Variants in SCAP observed in about 807,000 individuals in gnomAD.
SCAP encodes the protein sterol regulatory element-binding protein cleavage-activating protein.
In SCAP, 65 loss-of-function variants were observed where a neutral mutation model predicts 123.6. The ratio of observed to expected loss-of-function variants is 0.53; its 90% CI spans 0.43 to 0.65. SCAP has a LOEUF of 0.65. SCAP is among the 30% of genes least tolerant of loss of function. The pLI is 0.00. For synonymous variants in SCAP, 740 were observed against 726.3 expected, an observed-to-expected ratio of 1.02 and a Z score of -0.30; for missense variants, 1,398 against 1,712.5, an observed-to-expected ratio of 0.82 and a Z score of 3.24.
At chr3:47,449,136 C>G (rs774122815) in intron 1 of SCAP, among the ~76,000 whole-genome samples, 1 of 152,164 alleles carries the variant, frequency 6.6e-6, no homozygotes, top group Non-Finnish European at 1.5e-5. Flanking sequence ...ACTACTTGAG[C>G]AGTAATGTAC....
At position 47,419,560 on chromosome 3, in the gene SCAP, G is replaced by A. The variant is rs375737763; in HGVS notation, c.1708C>T (p.Pro570Ser). ...GAGAAGGCAGGGTCCGGGTGGCTGG[G>A]GGGCAGCATGCCACTAGGCACGGGC... ...PMPVPSGMLPPSHPDPAFSIF... is the reference protein window; with the variant it reads ...PMPVPSGMLPSSHPDPAFSIF... The change falls in exon 13 of 23, where the codon CCC becomes TCC. Residue 570 changes from proline (P) to serine (S), a missense_variant. Transcript: ENST00000265565. The surrounding 1 kb of genome is among the most constrained non-coding windows in gnomAD (Gnocchi z 5.0). The A allele has an allele frequency of 2.4e-5, 38 of 1,612,974 alleles. No homozygotes were observed. Among genetic ancestry groups the A allele is most frequent in the Middle Eastern group, 1.7e-4 (1 of 6,050 alleles).
chr3:47,464,657 T>G (rs1326295889), intron 1 of SCAP, among the ~76,000 whole-genome samples: 2 of 152,180 alleles, frequency 1.3e-5, no homozygotes, highest in Non-Finnish European at 2.9e-5. Context: ...TACATCACAC[T>G]TGATGGTGAA....
At position 47,414,282 on chromosome 3, in the gene SCAP, G is replaced by A. The variant is rs749194176; in HGVS notation, c.3492C>T (p.Thr1164=). Residue 1164 remains threonine, a synonymous_variant, in exon 22 of 23, where the codon ACC becomes ACT. Coordinates refer to ENST00000265565, the MANE Select transcript of SCAP (RefSeq NM_012235.4). ...SHVFAHRGDV[T]SLTCTTSCVI... is the part of the protein sequence containing the mutation. ...CACAGGAGGTGGTACAGGTAAGGGAGGTGACATCCCCACGGTGAGCAAACA... is the reference window on the plus strand; with the variant it reads ...CACAGGAGGTGGTACAGGTAAGGGAAGTGACATCCCCACGGTGAGCAAACA... The A allele has an allele frequency of 3.7e-6, 6 of 1,613,386 alleles. No individual in the cohort carries two copies. The African/African-American group carries it at 5.3e-5, about 14-fold the overall frequency.
At position 47,420,665 on chromosome 3, in the gene SCAP, T is replaced by A; in HGVS notation, c.1452A>T (p.Thr484=). ...ACGGCTGCAACGTGATGGTGTGGGG[T>A]GTGGACGGCCTCACAGCCAGCTGCC... ...YERQLAVRPS[T]PHTITLQPSS... is the part of the protein sequence containing the mutation. Residue 484 remains threonine (T), a synonymous_variant, in exon 12 of 23, where the codon ACA becomes ACT. Transcript: ENST00000265565. This position sits in a 1 kb window ranked among gnomAD's most constrained non-coding sequence, Gnocchi z 5.0. The A allele has an allele frequency of 6.2e-7, 1 of 1,611,720 alleles. No individual in the cohort carries two copies. The highest frequency in any genetic ancestry group is 8.5e-7 in the Non-Finnish European group (1 of 1,179,922).
At chr3:47,418,966 A>G (rs1705772121) in intron 13 of SCAP, 123 bp from the exon 14 acceptor site, 2 of 1,085,000 alleles carry the variant, frequency 1.8e-6, no homozygotes, top group Admixed American at 6.3e-5. Flanking sequence ...AGACTCTCCC[A>G]GCATGGGGGG....
intron 5 of SCAP, 45 bp downstream of exon 5, chr3:47,427,402 A>C (rs757077468): frequency 1.3e-6 from 2 of 1,594,212 alleles, no homozygotes; most frequent in Non-Finnish European, 1.7e-6. Flanking sequence ...GACGGTGACC[A>C]ATGGGCACCT....
chr3:47,476,738 G>C (rs926751930), upstream of SCAP, among the ~76,000 whole-genome samples: 2 of 152,118 alleles, frequency 1.3e-5, no homozygotes, highest in African/African-American at 2.4e-5. Flanking sequence ...GAAGGGGAAG[G>C]GGAGGCTGCC....
chr3:47,417,859 A>ACTGGGGAGGGGGGTGAGAGGGGG (rs1705675054), intron 16 of SCAP, 33 bp from the exon 17 acceptor site: 1 of 613,546 alleles, frequency 1.6e-6, no homozygotes, highest in African/African-American at 6.6e-5. Flanking sequence ...GAGAGGGGGC[A>ACTGGGGAGGGGGGTGAGAGGGGG]CGGGGGAGGG....
intron 2 of SCAP, 120 bp downstream of exon 2, chr3:47,442,752 G>T: frequency 3.6e-6 from 3 of 833,834 alleles, no homozygotes; most frequent in South Asian, 1.7e-5. Context: ...GTTATAAGGA[G>T]CCCAAGCTCC....
intron 1 of SCAP, among the ~76,000 whole-genome samples, chr3:47,466,250 C>T (rs1707826902): frequency 6.6e-6 from 1 of 151,502 alleles, no homozygotes; most frequent in African/African-American, 2.4e-5. Flanking sequence ...AAGTTGAGGA[C>T]TCACACTTCC....
rs1322810363 is a variant in SCAP, at chr3:47,414,861, C to A, written c.3272G>T (p.Arg1091Leu). ...GTGGTCTTGGCTCCCAGTCACCAAG[C>A]GCCCAGCAGCGGCTTTCAGGGCTGT... ...PITALKAAAG[R>L]LVTGSQDHTL... is the part of the protein sequence containing the mutation. The change falls in exon 20 of 23, where the codon CGC (arginine) becomes CTC (leucine). Residue 1091 changes from arginine (R) to leucine (L), a missense_variant. By Grantham distance (102) the Arg-to-Leu change is moderately radical. Coordinates refer to ENST00000265565, the MANE Select transcript of SCAP (RefSeq NM_012235.4). The A allele has an allele frequency of 1.9e-6, 3 of 1,610,394 alleles. No homozygotes were observed. Among genetic ancestry groups the A allele is most frequent in the Non-Finnish European group, 2.5e-6 (3 of 1,178,688 alleles).
At chr3:47,417,060 AG>A in intron 18 of SCAP, 61 bp downstream of exon 18, 2 of 1,460,950 alleles carry the variant, frequency 1.4e-6, no homozygotes, top group South Asian at 2.3e-5. Context: ...TCAAGACTCA[AG>A]AGAGTATGGC....
At chr3:47,469,805 T>C in intron 1 of SCAP, 1 of 571,940 alleles carries the variant, frequency 1.7e-6, no homozygotes, top group Non-Finnish European at 3.4e-6. Context: ...GGAAGAGACT[T>C]GCAAGGCTAT....
chr3:47,464,979 A>C (rs1225864901), intron 1 of SCAP, among the ~76,000 whole-genome samples: 2 of 152,220 alleles, frequency 1.3e-5, no homozygotes, highest in Admixed American at 6.5e-5. Context: ...CTGACAGTGA[A>C]CAATCTAAAA....
chr3:47,419,834 G>T lies in SCAP; in HGVS notation c.1564-130C>A. The T allele has an allele frequency of 9.1e-7, 1 of 1,094,804 alleles. No individual in the cohort carries two copies. Among genetic ancestry groups the T allele is most frequent in the Non-Finnish European group, 1.2e-6 (1 of 806,466 alleles). 67.8% of individuals were successfully genotyped at this position (1,094,804 alleles called of 1,614,324 possible). The stretch of plus-strand genomic sequence containing the variant: ...ATGGAGAGAGGACACAGGCCCCACT[G>T]CGTCCTTTTCTCCTGCCTCTCCAAG... On this transcript the variant is annotated intron_variant, in intron 12 of 22. Coordinates refer to ENST00000265565, the MANE Select transcript of SCAP (RefSeq NM_012235.4). The surrounding 1 kb of genome is among the most constrained non-coding windows in gnomAD (Gnocchi z 5.0).
intron 18 of SCAP, among the ~76,000 whole-genome samples, chr3:47,415,781 G>A (rs1374307916): frequency 6.6e-6 from 1 of 152,198 alleles, no homozygotes; most frequent in Non-Finnish European, 1.5e-5. Context: ...GAAAGGCAAT[G>A]CATGTCTGCC....
intron 1 of SCAP, among the ~76,000 whole-genome samples, chr3:47,443,558 G>A (rs1314931570): frequency 6.6e-6 from 1 of 152,072 alleles, no homozygotes; most frequent in East Asian, 1.9e-4. Context: ...ACACACTGTT[G>A]TACAAATAGT....
At chr3:47,444,228 T>C (rs1706935955) in intron 1 of SCAP, among the ~76,000 whole-genome samples, 2 of 152,172 alleles carry the variant, frequency 1.3e-5, no homozygotes, top group African/African-American at 4.8e-5. Flanking sequence ...CTACTTCTCT[T>C]GTTCCATGTT....
intron 9 of SCAP, among the ~76,000 whole-genome samples, 190 bp downstream of exon 9, chr3:47,423,743 G>A (rs1005297121): frequency 1.3e-5 from 2 of 152,130 alleles, no homozygotes; most frequent in East Asian, 3.9e-4. Context: ...ACAGTCCAAT[G>A]GCCCCATGGC....
Sources: gnomAD v4.1 joint callset for allele counts (sites outside exome capture counted in the v4.1 genomes callset) on GRCh38, gnomAD v4.1.1 for gene constraint, Gnocchi (gnomAD v3.1) non-coding constraint, MANE v1.5 for transcripts, NCBI Gene and HGNC (gene_info 2026-07-23, HGNC 2026-07-21) for gene names.